CCDC66: variants seen among roughly 807,000 people sequenced by gnomAD.
CCDC66 encodes the protein coiled-coil domain containing 66, also known as coiled-coil domain-containing protein 66.
Under a neutral mutation model 128.3 loss-of-function variants are expected in CCDC66, and 133 were observed. That is an observed-to-expected ratio of 1.04 (90% confidence interval 0.90 to 1.20). CCDC66 has a LOEUF of 1.20. CCDC66 is among the 50% of genes most tolerant of loss of function. CCDC66 has a pLI of 0.00. For synonymous variants in CCDC66, 387 were observed against 357.0 expected (o/e 1.08, Z -0.95); for missense variants, 1,126 against 1,075.5 (o/e 1.05, Z -0.66).
At position 56,621,725 on chromosome 3, in the gene CCDC66, T is replaced by A. The variant is rs1368437010; in HGVS notation, c.*107T>A. ...AATAGCCTAGATTTACTTATTTTTT[T>A]AAATGCTCATTAAAAACTTGTATAC... is the stretch of plus-strand genomic sequence containing the variant. On this transcript the variant is annotated 3_prime_UTR_variant, in exon 18 of 18. Coordinates refer to ENST00000394672, the MANE Select transcript of CCDC66 (RefSeq NM_001141947.3). 4.4e-6 allele frequency: 3 copies of A among 688,750 alleles called. No individual in the cohort carries two copies. The highest frequency in any genetic ancestry group is 7.1e-6 in the Non-Finnish European group (3 of 423,910). The allele number at this position is 688,750 out of a possible 1,614,324, so 42.7% of individuals were successfully genotyped here.
chr3:56,570,448 T>G (rs2066469849), intron 6 of CCDC66: 1 of 152,382 alleles, frequency 6.6e-6, no homozygotes, highest in African/African-American at 2.4e-5. Flanking sequence ...AAACCAAGGC[T>G]TAGAAAGCTT....
intron 4 of CCDC66, chr3:56,565,199 G>A (rs766728140): frequency 2.0e-5 from 8 of 395,508 alleles, no homozygotes; most frequent in African/African-American, 1.1e-4. Context: ...GAAAAATAAC[G>A]TCAAGGTAAT....
In CCDC66 at chr3:56,557,459, A is replaced by G. The variant is rs373566721; in HGVS notation, c.11+206A>G. ...GCGACTCCACAGACCTTACGTTTTC[A>G]CTTAATGACTAGCATTAAAACTGCC... On this transcript the variant is annotated intron_variant, in intron 1 of 17. Transcript: ENST00000394672. 2.3e-3 allele frequency among the ~76,000 whole-genome samples: 343 copies of G among 152,156 alleles called. 2 individuals are homozygous for G. In the South Asian group the frequency reaches 0.027, roughly 12 times the overall value.
intron 10 of CCDC66, among the ~76,000 whole-genome samples, chr3:56,596,529 T>C (rs116325009): frequency 2.6e-3 from 390 of 151,246 alleles, no homozygotes; most frequent in Non-Finnish European, 4.7e-3. Flanking sequence ...TTCAAACTAC[T>C]GAATATTCAA....
intron 17 of CCDC66, 129 bp from the exon 18 acceptor site, chr3:56,621,403 A>G: frequency 1.7e-6 from 1 of 579,102 alleles, no homozygotes; most frequent in Non-Finnish European, 3.0e-6. Flanking sequence ...CATTTCTGAA[A>G]AAATTTTTGA....
chr3:56,606,261 C>T lies in CCDC66; in HGVS notation c.1405-7328C>T, dbSNP rs562539756. ...ACTACTTGCAAGGCTCCCTGGCTTC[C>T]GCCCCCTTTCCAGGAGAGTGAACAG... On this transcript the variant is annotated intron_variant, in intron 10 of 17. Coordinates refer to ENST00000394672, the MANE Select transcript of CCDC66 (RefSeq NM_001141947.3). Among the ~76,000 whole-genome samples the T allele has an allele frequency of 5.3e-4, 81 of 152,168 alleles. 2 individuals are homozygous for T. The highest frequency in any genetic ancestry group is 1.9e-3 in the South Asian group (9 of 4,830).
intron 7 of CCDC66, among the ~76,000 whole-genome samples, chr3:56,580,881 T>C (rs372590573): frequency 2.0e-5 from 3 of 151,892 alleles, no homozygotes; most frequent in East Asian, 4.0e-4. Context: ...CTGACAATTA[T>C]GTGTCTTGGG....
intron 3 of CCDC66, chr3:56,561,073 A>T: frequency 2.4e-6 from 1 of 422,854 alleles, no homozygotes; most frequent in South Asian, 1.8e-5. Context: ...TTTCTCTATC[A>T]TATAGTTATA....
rs561782618 is a variant in CCDC66 at position 56,584,492 on chromosome 3, C to T, written c.937-8478C>T. On this transcript the variant is annotated intron_variant, in intron 7 of 17. Coordinates refer to ENST00000394672, the MANE Select transcript of CCDC66 (RefSeq NM_001141947.3). ...GCAGAGGTGCTCCTCACATCCCAGA[C>T]GGGGCGGCAGGGCAGAGGCGCTCCC... Among the ~76,000 whole-genome samples, 193 of 146,762 alleles carry T rather than the reference C, an allele frequency of 1.3e-3. 2 individuals are homozygous for T. The highest frequency in any genetic ancestry group is 9.1e-3 in the South Asian group (42 of 4,604).
In CCDC66 at chr3:56,566,750, A is replaced by G; in HGVS notation, c.701A>G (p.Lys234Arg). 1.2e-6 allele frequency: 2 copies of G among 1,609,934 alleles called. No homozygotes were observed. The highest frequency in any genetic ancestry group is 8.5e-7 in the Non-Finnish European group (1 of 1,178,038). The change falls in exon 5 of 18, where the codon AAA (lysine) becomes AGA (arginine). Residue 234 changes from lysine to arginine, a missense_variant. By Grantham distance (26) the Lys-to-Arg change is conservative. Transcript: ENST00000394672. ...GAGACATCTAAACAGTGTGAGCAAA[A>G]AATTGCCATGTATGTAACTCCTATC... The part of the protein sequence containing the change: ...HQETSKQCEQ[K>R]IAIENEWKPA...
At chr3:56,569,955 C>T (rs959557856) in intron 6 of CCDC66, 1 of 152,262 alleles carries the variant, frequency 6.6e-6, no homozygotes, top group African/African-American at 2.4e-5. Context: ...CTGCCTCAGC[C>T]TCCTGAGTAG....
At chr3:56,618,359 G>C in intron 15 of CCDC66, 147 bp downstream of exon 15, 2 of 670,320 alleles carry the variant, frequency 3.0e-6, no homozygotes, top group Non-Finnish European at 2.5e-6. Flanking sequence ...AGAGGTTTAA[G>C]GGATAGTGTG....
intron 7 of CCDC66, among the ~76,000 whole-genome samples, chr3:56,579,285 G>T (rs1313288388): frequency 1.3e-5 from 2 of 151,676 alleles, no homozygotes; most frequent in African/African-American, 4.8e-5. Context: ...GCATCTATTT[G>T]ATTCTTCTCT....
intron 10 of CCDC66, among the ~76,000 whole-genome samples, chr3:56,596,896 G>A (rs754097541): frequency 2.0e-5 from 3 of 149,518 alleles, no homozygotes; most frequent in Non-Finnish European, 3.0e-5. Flanking sequence ...CTGGGATTAC[G>A]GGTGCATGCC....
intron 12 of CCDC66, among the ~76,000 whole-genome samples, chr3:56,615,687 A>G (rs1367520364): frequency 1.3e-5 from 2 of 152,234 alleles, no homozygotes; most frequent in African/African-American, 4.8e-5. Flanking sequence ...AAATGTGTTA[A>G]TGTTAAAATA....
intron 10 of CCDC66, among the ~76,000 whole-genome samples, chr3:56,600,830 T>G (rs1453800751): frequency 6.6e-6 from 1 of 152,066 alleles, no homozygotes; most frequent in Non-Finnish European, 1.5e-5. Context: ...GATGGGGTTG[T>G]TTTTTTCTTG....
Position 56,615,311 on chromosome 3 carries a change from G to A in CCDC66, c.1711+39G>A, listed in dbSNP as rs775182399. 1.9e-6 allele frequency: 3 copies of A among 1,551,784 alleles called. No homozygotes were observed. In the African/African-American group the frequency reaches 4.2e-5, roughly 22 times the overall value. On this transcript the variant is annotated intron_variant, in intron 12 of 17. Coordinates refer to ENST00000394672, the MANE Select transcript of CCDC66 (RefSeq NM_001141947.3). ...CAGAACTTTATTTATAATATTTTTA[G>A]AAGATGATTTTAAATAATTCCTTTT...
chr3:56,561,328 G>A (rs796395397), intron 3 of CCDC66: 2 of 455,042 alleles, frequency 4.4e-6, no homozygotes, highest in African/African-American at 2.0e-5. Flanking sequence ...AACATCTGAA[G>A]ATCCCCTTTA....
intron 7 of CCDC66, among the ~76,000 whole-genome samples, chr3:56,575,399 T>A (rs1365348924): frequency 6.6e-6 from 1 of 151,876 alleles, no homozygotes; most frequent in Non-Finnish European, 1.5e-5. Flanking sequence ...TGAAGAAATG[T>A]CTATTGAGAT....
Sources: gnomAD v4.1 joint callset for allele counts (sites outside exome capture counted in the v4.1 genomes callset) on GRCh38, gnomAD v4.1.1 for gene constraint, MANE v1.5 for transcripts, NCBI Gene and HGNC (gene_info 2026-07-23, HGNC 2026-07-21) for gene names.